The following PITPNM2 variants were observed in gnomAD, a reference collection of about 807,000 sequenced individuals.
PITPNM2 encodes the protein membrane-associated phosphatidylinositol transfer protein 2.
A neutral mutation model predicts 132.2 loss-of-function variants in PITPNM2; 35 were observed. The ratio of observed to expected loss-of-function variants is 0.26; its 90% confidence interval spans 0.20 to 0.35. The LOEUF (loss-of-function observed/expected upper bound fraction) is 0.35. Ranked by LOEUF, PITPNM2 falls within the 10% of genes least tolerant of loss-of-function variation. The pLI is 1.00. For synonymous variants in PITPNM2, 738 were observed against 799.2 expected (o/e 0.92, Z 1.29); for missense variants, 1,332 against 1,912.0 (o/e 0.70, Z 5.66).
In PITPNM2 at chr12:123,071,280, G is replaced by A. The variant is rs374982484; in HGVS notation, c.-95-36595C>T. Among the ~76,000 whole-genome samples the A allele has an allele frequency of 1.1e-4, 17 of 152,332 alleles. 1 individual carries two copies. The South Asian group carries it at 3.3e-3, about 30-fold the overall frequency. On this transcript the variant is annotated intron_variant, in intron 2 of 25. Coordinates refer to ENST00000320201, the MANE Select transcript of PITPNM2 (RefSeq NM_020845.3). ...GCCCCTGCTCTTTCTGGGTCCAGGGGAGGCCCCTCCTTGGCACTGCAGCCA... is the reference window on the plus strand; with the variant it reads ...GCCCCTGCTCTTTCTGGGTCCAGGGAAGGCCCCTCCTTGGCACTGCAGCCA...
At chr12:123,030,126 G>T (rs1388303850) in intron 3 of PITPNM2, among the ~76,000 whole-genome samples, 1 of 150,750 alleles carries the variant, frequency 6.6e-6, no homozygotes, top group East Asian at 2.0e-4. Flanking sequence ...CAGCATGCTG[G>T]CTGGTCTGAA....
chr12:123,028,846 C>G (rs2039964082), intron 3 of PITPNM2, among the ~76,000 whole-genome samples: 1 of 152,152 alleles, frequency 6.6e-6, no homozygotes, highest in South Asian at 2.1e-4. Context: ...TCAGAGGAAG[C>G]TGCCTGGAAG....
At position 122,984,946 on chromosome 12, in the gene PITPNM2, T is replaced by TGGCTTCTTAGATTCGGCA. The variant is rs1248893279; in HGVS notation, c.*1063_*1080dup. 6.6e-6 allele frequency: 1 copy of TGGCTTCTTAGATTCGGCA among 152,230 alleles called. No homozygotes were observed. The highest frequency in any genetic ancestry group is 1.5e-5 in the Non-Finnish European group (1 of 68,026). The allele number at this position is 152,230 out of a possible 1,614,324, so 9.4% of individuals were successfully genotyped here. A position where few individuals can be genotyped will look rare whatever the true frequency, so the allele number is the denominator to read the frequency against. On this transcript the variant is annotated 3_prime_UTR_variant, in exon 26 of 26. Coordinates refer to ENST00000320201, the MANE Select transcript of PITPNM2 (RefSeq NM_020845.3). ...GCCCTGAAGCTGACAAAGCAAGTTGTGGCTTCTTAGATTCGGCATGAAAAC... is the reference window on the plus strand; with the variant it reads ...GCCCTGAAGCTGACAAAGCAAGTTGTGGCTTCTTAGATTCGGCAGGCTTCTTAGATTCGGCATGAAAAC...
intron 1 of PITPNM2, among the ~76,000 whole-genome samples, chr12:123,143,977 T>C (rs1477872654): frequency 6.6e-6 from 1 of 152,220 alleles, no homozygotes; most frequent in Non-Finnish European, 1.5e-5. Flanking sequence ...TGGCAGATCC[T>C]CACTATCCAT....
At chr12:123,041,415 C>T (rs576422916) in intron 2 of PITPNM2, among the ~76,000 whole-genome samples, 43 of 152,272 alleles carry the variant, frequency 2.8e-4, no homozygotes, top group African/African-American at 7.2e-4. Context: ...TGCTGGTTGG[C>T]CTTACAGCCA....
intron 20 of PITPNM2, 59 bp from the exon 21 acceptor site, chr12:122,987,960 T>C: frequency 6.8e-7 from 1 of 1,468,686 alleles, no homozygotes; most frequent in Non-Finnish European, 9.4e-7. Flanking sequence ...GGTCCCTGTG[T>C]TCTGCTCAAG....
At chr12:123,084,355 A>C (rs1179006497) in intron 2 of PITPNM2, 1 of 152,244 alleles carries the variant, frequency 6.6e-6, no homozygotes, top group Non-Finnish European at 1.5e-5. Context: ...GAAGCCCCAG[A>C]GGCACGTAGT....
chr12:123,098,777 C>T (rs1343741997), intron 2 of PITPNM2, among the ~76,000 whole-genome samples: 1 of 152,064 alleles, frequency 6.6e-6, no homozygotes, highest in African/African-American at 2.4e-5. Flanking sequence ...CCCAAGTGTC[C>T]ACTCCTGAGA....
intron 2 of PITPNM2, among the ~76,000 whole-genome samples, chr12:123,105,015 A>G (rs1205147487): frequency 3.3e-5 from 5 of 151,940 alleles, no homozygotes; most frequent in South Asian, 2.1e-4. Flanking sequence ...GGGGCCCTCA[A>G]TATTCTCTGA....
At chr12:123,131,658 C>T (rs1288804448) in intron 1 of PITPNM2, among the ~76,000 whole-genome samples, 4 of 152,152 alleles carry the variant, frequency 2.6e-5, no homozygotes, top group Non-Finnish European at 4.4e-5. Flanking sequence ...TTACTCTTGC[C>T]CCAGTCACAG....
At chr12:123,075,665 CT>C (rs2041762321) in intron 2 of PITPNM2, 1 of 152,230 alleles carries the variant, frequency 6.6e-6, no homozygotes, top group African/African-American at 2.4e-5. Flanking sequence ...GCGGCCCAGG[CT>C]CCCACCTCTC....
intron 5 of PITPNM2, 102 bp downstream of exon 5, chr12:123,012,511 G>A: frequency 1.4e-6 from 2 of 1,459,092 alleles, no homozygotes; most frequent in Non-Finnish European, 1.9e-6. Flanking sequence ...ACAGGGCCAG[G>A]TCTGGAGTCT....
intron 2 of PITPNM2, among the ~76,000 whole-genome samples, chr12:123,048,454 G>A (rs367724804): frequency 2.7e-5 from 4 of 150,940 alleles, no homozygotes; most frequent in South Asian, 2.1e-4. Context: ...CGCCCAGGCC[G>A]GACTGCGGAC....
chr12:123,055,905 C>A (rs536745828), intron 2 of PITPNM2, among the ~76,000 whole-genome samples: 23 of 152,264 alleles, frequency 1.5e-4, no homozygotes, highest in Non-Finnish European at 2.6e-4. Context: ...CACACACACA[C>A]ACACACACAC....
At chr12:123,039,318 CAACT>C (rs79493916) in intron 2 of PITPNM2, among the ~76,000 whole-genome samples, 20 of 151,998 alleles carry the variant, frequency 1.3e-4, no homozygotes, top group Non-Finnish European at 2.6e-4. Flanking sequence ...TGTTGAAATC[CAACT>C]AACCAAAAAG....
intron 2 of PITPNM2, among the ~76,000 whole-genome samples, chr12:123,074,475 ACAT>A (rs1243735870): frequency 7.9e-5 from 12 of 151,854 alleles, no homozygotes; most frequent in Non-Finnish European, 1.3e-4. Context: ...CACACACACA[ACAT>A]ACCACACATG....
chr12:123,030,234 T>C (rs2040033076), intron 3 of PITPNM2, among the ~76,000 whole-genome samples: 1 of 152,138 alleles, frequency 6.6e-6, no homozygotes, highest in Non-Finnish European at 1.5e-5. Flanking sequence ...CAGTAAGTGC[T>C]GGTGAGGATG....
chr12:122,995,967 C>T (rs2038410602), intron 13 of PITPNM2, among the ~76,000 whole-genome samples: 1 of 152,232 alleles, frequency 6.6e-6, no homozygotes, highest in Admixed American at 6.5e-5. Context: ...GGTTCAGGCT[C>T]ATGAAACCAC....
intron 1 of PITPNM2, among the ~76,000 whole-genome samples, chr12:123,110,961 T>C (rs908910363): frequency 2.0e-5 from 3 of 152,190 alleles, no homozygotes; most frequent in African/African-American, 4.8e-5. Flanking sequence ...GGCATGGTCA[T>C]ATTGTGGGGT....
Sources: gnomAD v4.1 joint callset for allele counts (sites outside exome capture counted in the v4.1 genomes callset) on GRCh38, gnomAD v4.1.1 for gene constraint, MANE v1.5 for transcripts, NCBI Gene and HGNC (gene_info 2026-07-23, HGNC 2026-07-21) for gene names.